Variants in SHROOM3 observed in about 807,000 individuals in gnomAD.
The protein encoded by SHROOM3 is protein Shroom3.
SHROOM3 carries 47 observed loss-of-function variants against 138.6 expected under a neutral mutation model. The observed-to-expected ratio is 0.34, with a 90% CI of 0.27 to 0.43. SHROOM3 has a LOEUF of 0.43. Ranked by LOEUF, SHROOM3 falls within the 20% of genes least tolerant of loss-of-function variation. The probability of loss-of-function intolerance (pLI) is 1.00; values close to 1 mark genes in which losing one functional copy is unlikely to be tolerated. For missense variants in SHROOM3, 2,491 were observed against 2,596.5 expected, an observed-to-expected ratio of 0.96 and a Z score of 0.88; for synonymous variants, 1,062 against 1,063.3, an observed-to-expected ratio of 1.00 and a Z score of 0.02.
chr4:76,723,797 G>A (rs1218450555), intron 3 of SHROOM3, among the ~76,000 whole-genome samples: 1 of 152,198 alleles, frequency 6.6e-6, no homozygotes, highest in African/African-American at 2.4e-5. Flanking sequence ...TAAAGGCTAA[G>A]TGAGAAAATA....
intron 1 of SHROOM3, among the ~76,000 whole-genome samples, chr4:76,517,733 G>A (rs1732472704): frequency 1.3e-5 from 2 of 151,854 alleles, no homozygotes; most frequent in Admixed American, 1.3e-4. Flanking sequence ...GACCAATGAG[G>A]GCCTGTGTAT....
chr4:76,440,002 C>G (rs973501677), intron 1 of SHROOM3, among the ~76,000 whole-genome samples: 7 of 152,148 alleles, frequency 4.6e-5, no homozygotes, highest in African/African-American at 1.7e-4. Context: ...ATTCAATAGT[C>G]CAGGAAGTTG....
chr4:76,702,893 C>G (rs1719943383), intron 2 of SHROOM3, among the ~76,000 whole-genome samples: 1 of 152,156 alleles, frequency 6.6e-6, no homozygotes, highest in Non-Finnish European at 1.5e-5. Context: ...GCTTTTTCTC[C>G]TATCCACCCT....
intron 4 of SHROOM3, among the ~76,000 whole-genome samples, chr4:76,732,322 G>A (rs907046841): frequency 2.0e-5 from 3 of 152,162 alleles, no homozygotes; most frequent in African/African-American, 7.2e-5. Context: ...ATGAACAGAT[G>A]GTAGCTATGC....
At chr4:76,542,042 TGAGGAG>T (rs34330992) in intron 1 of SHROOM3, among the ~76,000 whole-genome samples, 2 of 151,748 alleles carry the variant, frequency 1.3e-5, no homozygotes, top group Non-Finnish European at 2.9e-5. Context: ...ACAATTGTGA[TGAGGAG>T]GAGGAGGAGG....
At chr4:76,548,805 C>T (rs980844512) in intron 1 of SHROOM3, among the ~76,000 whole-genome samples, 1 of 152,184 alleles carries the variant, frequency 6.6e-6, no homozygotes, top group Non-Finnish European at 1.5e-5. Flanking sequence ...AGGGAAAAAG[C>T]GTGCTTAGCT....
intron 1 of SHROOM3, among the ~76,000 whole-genome samples, chr4:76,552,054 G>T (rs539607540): frequency 1.4e-5 from 2 of 146,702 alleles, no homozygotes; most frequent in East Asian, 2.1e-4. Context: ...GTAGAGACGG[G>T]GTTTCACCGT....
chr4:76,688,385 C>T, intron 2 of SHROOM3: 1 of 985,290 alleles, frequency 1.0e-6, no homozygotes, highest in Non-Finnish European at 1.2e-6. Flanking sequence ...AATGTGGTAT[C>T]AGCTGTTTGG....
In SHROOM3 at chr4:76,781,775, A is replaced by T. The variant is rs568389300; in HGVS notation, c.*2598A>T. Reference sequence around the variant, plus strand: ...GCATTCTTCTCCCACTATTTTTAAAAACTCATTTACAGTAGAAACCATTCT... The same window carrying T: ...GCATTCTTCTCCCACTATTTTTAAATACTCATTTACAGTAGAAACCATTCT... On this transcript the variant is annotated 3_prime_UTR_variant, in exon 11 of 11. Transcript: ENST00000296043. 46 of 152,334 alleles carry T rather than the reference A, an allele frequency of 3.0e-4. No homozygotes were observed. Among genetic ancestry groups the T allele is most frequent in the African/African-American group, 1.1e-3 (46 of 41,572 alleles). 9.4% of individuals were successfully genotyped at this position (152,334 alleles called of 1,614,324 possible).
intron 1 of SHROOM3, among the ~76,000 whole-genome samples, chr4:76,470,670 A>G (rs1731350872): frequency 6.6e-6 from 1 of 152,190 alleles, no homozygotes; most frequent in African/African-American, 2.4e-5. Context: ...CCCTACCTTC[A>G]ACTGCTAATG....
intron 1 of SHROOM3, among the ~76,000 whole-genome samples, chr4:76,446,294 A>T (rs920370604): frequency 1.3e-4 from 20 of 150,492 alleles, no homozygotes; most frequent in Admixed American, 9.4e-4. Context: ...GAACCCTTCC[A>T]TCTATGTTAC....
At chr4:76,685,374 C>CA (rs369922459) in intron 2 of SHROOM3, among the ~76,000 whole-genome samples, 7,890 of 144,480 alleles carry the variant, frequency 0.055, 679 homozygotes, top group African/African-American at 0.18. Flanking sequence ...AGCTAAAAAA[C>CA]AAAAAAAAAT....
chr4:76,776,679 A>C (rs181360677), intron 10 of SHROOM3, among the ~76,000 whole-genome samples: 2 of 152,324 alleles, frequency 1.3e-5, no homozygotes, highest in East Asian at 3.9e-4. Flanking sequence ...CCACTAAGAC[A>C]TGTACTTCCT....
Position 76,513,464 on chromosome 4 carries a change from C to T in SHROOM3, c.169-42145C>T, listed in dbSNP as rs192938489. 3.3e-5 allele frequency among the ~76,000 whole-genome samples: 5 copies of T among 152,276 alleles called. No homozygotes were observed. The East Asian group carries it at 7.7e-4, about 24-fold the overall frequency. Reference sequence around the variant, plus strand: ...GCGTAGCTGGGACTACAGGCACCTGCCACCACGCCCAGCTAATTTTTGTAT... The same window carrying T: ...GCGTAGCTGGGACTACAGGCACCTGTCACCACGCCCAGCTAATTTTTGTAT... On this transcript the variant is annotated intron_variant, in intron 1 of 10. Transcript: ENST00000296043.
chr4:76,633,967 G>A (rs1180354449), intron 2 of SHROOM3, among the ~76,000 whole-genome samples: 2 of 152,092 alleles, frequency 1.3e-5, no homozygotes, highest in Non-Finnish European at 2.9e-5. Context: ...AATGCATTGA[G>A]CTAGAATGGA....
chr4:76,543,881 T>G (rs1200467633), intron 1 of SHROOM3, among the ~76,000 whole-genome samples: 1 of 152,222 alleles, frequency 6.6e-6, no homozygotes, highest in Non-Finnish European at 1.5e-5. Context: ...AGCACTGTGT[T>G]TGTTAGCCAT....
At chr4:76,630,277 G>A (rs1362205623) in intron 2 of SHROOM3, among the ~76,000 whole-genome samples, 1 of 152,174 alleles carries the variant, frequency 6.6e-6, no homozygotes, top group Non-Finnish European at 1.5e-5. Flanking sequence ...GCGGGACCAG[G>A]AGTGCCTACC....
chr4:76,661,799 G>A (rs1187568384), intron 2 of SHROOM3, among the ~76,000 whole-genome samples: 1 of 152,134 alleles, frequency 6.6e-6, no homozygotes, highest in East Asian at 1.9e-4. Context: ...CATTTGGATT[G>A]TGTCTAGTTT....
chr4:76,499,155 A>G (rs1216012976), intron 1 of SHROOM3, among the ~76,000 whole-genome samples: 2 of 152,224 alleles, frequency 1.3e-5, no homozygotes, highest in African/African-American at 2.4e-5. Flanking sequence ...TTGAGTATAT[A>G]CTAATTATGG....
Sources: allele counts gnomAD v4.1 joint callset (sites outside exome capture counted in the v4.1 genomes callset), GRCh38; gene constraint gnomAD v4.1.1; transcripts MANE v1.5; gene names NCBI Gene and HGNC (gene_info 2026-07-23, HGNC 2026-07-21).